IL18RAP: variants seen among roughly 807,000 people sequenced by gnomAD.
IL18RAP encodes interleukin 18 receptor accessory protein.
IL18RAP carries 37 observed loss-of-function variants against 58.1 expected under a neutral mutation model. That is an observed-to-expected ratio of 0.64 (90% CI 0.49 to 0.84). The LOEUF (loss-of-function observed/expected upper bound fraction) is 0.84. Ranked by LOEUF, IL18RAP falls within the 40% of genes least tolerant of loss-of-function variation. IL18RAP has a pLI of 0.00. For missense variants in IL18RAP, 667 were observed against 704.8 expected (o/e 0.95, Z 0.61); for synonymous variants, 268 against 257.5 (o/e 1.04, Z -0.39).
intron 3 of IL18RAP, chr2:102,435,386 G>A (rs1036020891): frequency 8.5e-5 from 13 of 152,198 alleles, no homozygotes; most frequent in Admixed American, 3.3e-4. Context: ...TTGACTGGGA[G>A]TGTGTGTAAA....
upstream of IL18RAP, among the ~76,000 whole-genome samples, chr2:102,420,777 A>G (rs964570568): frequency 1.3e-5 from 2 of 152,168 alleles, no homozygotes; most frequent in Admixed American, 6.5e-5. Context: ...CAGACATTTT[A>G]TTTTGCAGGT....
intron 3 of IL18RAP, among the ~76,000 whole-genome samples, chr2:102,435,773 C>G (rs1682692574): frequency 6.6e-6 from 1 of 152,050 alleles, no homozygotes; most frequent in African/African-American, 2.4e-5. Context: ...AATACCTGCC[C>G]CTAGTAGTAA....
intron 3 of IL18RAP, among the ~76,000 whole-genome samples, chr2:102,426,293 A>G (rs1681936651): frequency 1.3e-5 from 2 of 152,160 alleles, no homozygotes; most frequent in Non-Finnish European, 1.5e-5. Flanking sequence ...ACTGAATTCA[A>G]ATAAAACTGC....
chr2:102,424,773 G>A (rs1681827897), intron 3 of IL18RAP, among the ~76,000 whole-genome samples: 1 of 152,168 alleles, frequency 6.6e-6, no homozygotes, highest in African/African-American at 2.4e-5. Flanking sequence ...GGGGAAGGGA[G>A]GACTCAACAC....
At chr2:102,423,491 AG>A in intron 1 of IL18RAP, 144 bp downstream of exon 1, 1 of 784,512 alleles carries the variant, frequency 1.3e-6, no homozygotes, top group Non-Finnish European at 2.2e-6. Context: ...GAGAATTATT[AG>A]GGTGAACAGC....
chr2:102,449,621 T>C (rs1220147652), intron 8 of IL18RAP, among the ~76,000 whole-genome samples: 1 of 152,176 alleles, frequency 6.6e-6, no homozygotes, highest in African/African-American at 2.4e-5. Context: ...TGCTTTGAAG[T>C]TAATGCTAAG....
intron 4 of IL18RAP, among the ~76,000 whole-genome samples, chr2:102,440,968 A>G (rs1683068144): frequency 6.6e-6 from 1 of 152,178 alleles, no homozygotes; most frequent in Admixed American, 6.6e-5. Context: ...TTTCAGTTCA[A>G]TTACTCAGCC....
intron 3 of IL18RAP, among the ~76,000 whole-genome samples, chr2:102,436,859 AT>A (rs1277667087): frequency 6.6e-6 from 1 of 151,578 alleles, no homozygotes; most frequent in Non-Finnish European, 1.5e-5. Context: ...ACATTAAAAA[AT>A]TCATTTCAGT....
Position 102,445,265 on chromosome 2 carries a change from A to G in IL18RAP, c.997A>G (p.Arg333Gly). ...AAAAGTCACTCAGCGTGATCTTCGC[A>G]GGAAGTTTGTTTGCTTTGTCCAGAA... ...LEKVTQRDLR[R>G]KFVCFVQNSI... The change falls in exon 7 of 10, where the codon AGG becomes GGG. Residue 333 changes from arginine to glycine, a missense_variant. Physicochemically the swap from Arg to Gly is moderately radical, Grantham distance 125. Transcript: ENST00000687160. 8.7e-6 allele frequency: 14 copies of G among 1,614,196 alleles called. No homozygotes were observed. Among genetic ancestry groups the G allele is most frequent in the Non-Finnish European group, 1.2e-5 (14 of 1,180,000 alleles).
At chr2:102,441,909 T>A (rs925976585) in intron 5 of IL18RAP, among the ~76,000 whole-genome samples, 2 of 151,870 alleles carry the variant, frequency 1.3e-5, no homozygotes, top group Non-Finnish European at 2.9e-5. Flanking sequence ...AAAATTATAC[T>A]GAGAAATAAT....
chr2:102,447,045 C>A (rs1483388228), intron 7 of IL18RAP, 25 bp from the exon 8 acceptor site: 1 of 1,611,626 alleles, frequency 6.2e-7, no homozygotes, highest in Non-Finnish European at 8.5e-7. Context: ...CTCTATGTCT[C>A]TTCATACTGG....
chr2:102,452,237 A>G lies in IL18RAP; in HGVS notation c.*56A>G. 6.8e-7 allele frequency: 1 copy of G among 1,462,010 alleles called. No homozygotes were observed. 90.6% of individuals were successfully genotyped at this position (1,462,010 alleles called of 1,614,324 possible). ...CCCTGGGATAGAGATGTTGCTGGACAGAACTCACAGCTCTGTGTGTGTGTG... is the reference window on the plus strand; with the variant it reads ...CCCTGGGATAGAGATGTTGCTGGACGGAACTCACAGCTCTGTGTGTGTGTG... On this transcript the variant is annotated 3_prime_UTR_variant, in exon 10 of 10. Transcript: ENST00000687160.
chr2:102,437,592 G>C (rs1041873916), intron 4 of IL18RAP, among the ~76,000 whole-genome samples: 2 of 152,154 alleles, frequency 1.3e-5, no homozygotes, highest in African/African-American at 4.8e-5. Context: ...ATATGTCCCT[G>C]ATTTGCTTTT....
intron 6 of IL18RAP, 62 bp downstream of exon 6, chr2:102,443,385 A>G (rs1436811313): frequency 3.2e-6 from 5 of 1,569,262 alleles, no homozygotes; most frequent in Non-Finnish European, 4.3e-6. Context: ...CTACCTTTAG[A>G]AATGCCTAAA....
chr2:102,437,391 A>C, intron 4 of IL18RAP, 29 bp downstream of exon 4: 2 of 1,595,906 alleles, frequency 1.3e-6, no homozygotes, highest in Non-Finnish European at 1.7e-6. Flanking sequence ...TCAAGATTTG[A>C]GATCTGAGCA....
At chr2:102,434,421 T>C (rs971035323) in intron 3 of IL18RAP, 3 of 152,268 alleles carry the variant, frequency 2.0e-5, no homozygotes, top group Non-Finnish European at 4.4e-5. Flanking sequence ...TTGTTTTTAG[T>C]TCATTCTACA....
At chr2:102,443,156 C>G in intron 5 of IL18RAP, 44 bp from the exon 6 acceptor site, 1 of 1,583,092 alleles carries the variant, frequency 6.3e-7, no homozygotes, top group Non-Finnish European at 8.6e-7. Context: ...ACAAAGTATT[C>G]TCACCAGCTT....
chr2:102,427,246 T>C (rs1003447936), intron 3 of IL18RAP, among the ~76,000 whole-genome samples: 1 of 152,180 alleles, frequency 6.6e-6, no homozygotes, highest in Non-Finnish European at 1.5e-5. Context: ...CATACTGATT[T>C]CAATCTCTTT....
intron 3 of IL18RAP, among the ~76,000 whole-genome samples, chr2:102,432,977 G>C (rs574940355): frequency 1.4e-4 from 22 of 152,028 alleles, no homozygotes; most frequent in Admixed American, 9.2e-4. Flanking sequence ...ATGATCTTCA[G>C]CTAAGCAAAT....
Sources: allele counts gnomAD v4.1 joint callset (sites outside exome capture counted in the v4.1 genomes callset), GRCh38; gene constraint gnomAD v4.1.1; transcripts MANE v1.5; gene names NCBI Gene and HGNC (gene_info 2026-07-23, HGNC 2026-07-21).